Variants in CNTN5 observed in about 807,000 individuals in gnomAD.
CNTN5 encodes contactin 5.
CNTN5 carries 77 observed loss-of-function variants against 129.1 expected under a neutral mutation model. The ratio of observed to expected loss-of-function variants is 0.60; its 90% confidence interval spans 0.50 to 0.72. CNTN5 has a LOEUF of 0.72. Ranked by LOEUF, CNTN5 falls within the 30% of genes least tolerant of loss-of-function variation. The pLI is 0.00. For missense variants in CNTN5, 1,478 were observed against 1,328.8 expected (o/e 1.11, Z -1.75); for synonymous variants, 509 against 465.6 (o/e 1.09, Z -1.20).
At chr11:99,941,020 C>T (rs1050655570) in intron 7 of CNTN5, among the ~76,000 whole-genome samples, 5 of 152,190 alleles carry the variant, frequency 3.3e-5, no homozygotes, top group African/African-American at 1.2e-4. Context: ...AACATTGGGA[C>T]ATAGAAATGT....
intron 3 of CNTN5, among the ~76,000 whole-genome samples, chr11:99,696,798 T>G (rs547017671): frequency 6.6e-6 from 1 of 152,164 alleles, no homozygotes; most frequent in Admixed American, 6.6e-5. Flanking sequence ...AAAATTGTGA[T>G]TGCCTTTAAA....
At chr11:99,544,155 G>A (rs115951061) in intron 2 of CNTN5, among the ~76,000 whole-genome samples, 9 of 151,980 alleles carry the variant, frequency 5.9e-5, no homozygotes, top group Admixed American at 2.6e-4. Flanking sequence ...CCTTTACTAC[G>A]GTGGAAGGTG....
At chr11:99,540,633 G>A (rs1025285605) in intron 2 of CNTN5, among the ~76,000 whole-genome samples, 1 of 152,088 alleles carries the variant, frequency 6.6e-6, no homozygotes, top group African/African-American at 2.4e-5. Context: ...AGACTACCAA[G>A]AGCTAAAGAA....
At chr11:100,009,699 T>A (rs1325191841) in intron 9 of CNTN5, among the ~76,000 whole-genome samples, 1 of 152,150 alleles carries the variant, frequency 6.6e-6, no homozygotes, top group Non-Finnish European at 1.5e-5. Flanking sequence ...TTGCCTGAAC[T>A]GCTGTAAGAA....
chr11:99,901,024 C>A (rs992467106), intron 6 of CNTN5, among the ~76,000 whole-genome samples: 3 of 152,110 alleles, frequency 2.0e-5, no homozygotes, highest in Non-Finnish European at 4.4e-5. Context: ...AATTGTGTAA[C>A]ATTGGGCAAG....
chr11:99,427,645 A>T (rs761084527), intron 2 of CNTN5, among the ~76,000 whole-genome samples: 3 of 151,584 alleles, frequency 2.0e-5, no homozygotes, highest in Non-Finnish European at 2.9e-5. Flanking sequence ...ACACACCTGT[A>T]GTCCCAGGTA....
chr11:100,025,210 C>A (rs963029551), intron 9 of CNTN5, among the ~76,000 whole-genome samples: 1 of 152,200 alleles, frequency 6.6e-6, no homozygotes, highest in African/African-American at 2.4e-5. Flanking sequence ...GGCCAAAATA[C>A]AGCTCAGATC....
At chr11:99,420,775 T>A (rs1038132845) in intron 2 of CNTN5, among the ~76,000 whole-genome samples, 1 of 152,186 alleles carries the variant, frequency 6.6e-6, no homozygotes. Context: ...TAAGAAAATA[T>A]GGGCAAGATA....
chr11:100,322,264 C>A (rs1047773593), intron 21 of CNTN5, among the ~76,000 whole-genome samples: 1 of 151,968 alleles, frequency 6.6e-6, no homozygotes, highest in Non-Finnish European at 1.5e-5. Flanking sequence ...GCTCTGTCGC[C>A]CAGGCTGGAG....
At chr11:99,902,137 A>G (rs1429922955) in intron 6 of CNTN5, among the ~76,000 whole-genome samples, 1 of 152,128 alleles carries the variant, frequency 6.6e-6, no homozygotes, top group Non-Finnish European at 1.5e-5. Context: ...AAAGTCATTG[A>G]CTTTCTAATA....
chr11:100,081,798 A>G (rs1406378390), intron 13 of CNTN5, among the ~76,000 whole-genome samples: 1 of 152,238 alleles, frequency 6.6e-6, no homozygotes, highest in East Asian at 1.9e-4. Context: ...GGAAATTGAC[A>G]AACATCTCAC....
At chr11:99,325,291 A>C (rs536385973) in intron 1 of CNTN5, 55 bp from the exon 2 acceptor site, 1 of 132,766 alleles carries the variant, frequency 7.5e-6, no homozygotes, top group Non-Finnish European at 1.6e-5. Flanking sequence ...TTGGTCAAGC[A>C]AAGTTGAAAA....
At chr11:99,839,395 T>C (rs1947406863) in intron 4 of CNTN5, among the ~76,000 whole-genome samples, 2 of 152,098 alleles carry the variant, frequency 1.3e-5, no homozygotes, top group South Asian at 4.1e-4. Context: ...AAATAAGAAC[T>C]ACTATGACAA....
At chr11:99,780,802 C>T (rs1945285577) in intron 3 of CNTN5, among the ~76,000 whole-genome samples, 1 of 151,958 alleles carries the variant, frequency 6.6e-6, no homozygotes, top group South Asian at 2.1e-4. Flanking sequence ...CACACTGTGC[C>T]ACACTGTCAA....
At chr11:99,165,255 T>C (rs916746902) in intron 1 of CNTN5, among the ~76,000 whole-genome samples, 4 of 152,350 alleles carry the variant, frequency 2.6e-5, no homozygotes, top group Admixed American at 6.5e-5. Context: ...GTTTTGTTTA[T>C]AGAGGCTATC....
At chr11:99,478,231 T>A (rs754314323) in intron 2 of CNTN5, among the ~76,000 whole-genome samples, 4 of 151,650 alleles carry the variant, frequency 2.6e-5, no homozygotes, top group Non-Finnish European at 5.9e-5. Context: ...AAAACTGGGG[T>A]TTTATCTGAA....
intron 2 of CNTN5, among the ~76,000 whole-genome samples, chr11:99,403,151 C>G (rs11522686): frequency 2.6e-5 from 4 of 151,662 alleles, no homozygotes; most frequent in African/African-American, 9.7e-5. Context: ...GGACTACAGG[C>G]GCCTACCACC....
chr11:100,176,802 CTGTT>C (rs1320934184), intron 13 of CNTN5, among the ~76,000 whole-genome samples: 6 of 151,594 alleles, frequency 4.0e-5, no homozygotes, highest in African/African-American at 9.7e-5. Flanking sequence ...TTTGAAACTA[CTGTT>C]TGTTTTACTA....
intron 1 of CNTN5, among the ~76,000 whole-genome samples, chr11:99,182,242 G>A (rs756804417): frequency 2.6e-5 from 4 of 152,138 alleles, no homozygotes; most frequent in Non-Finnish European, 2.9e-5. Flanking sequence ...ATGAGCATTT[G>A]ATATGGCAAA....
Sources: gnomAD v4.1 joint callset for allele counts (sites outside exome capture counted in the v4.1 genomes callset) on GRCh38, gnomAD v4.1.1 for gene constraint, MANE v1.5 for transcripts, NCBI Gene and HGNC (gene_info 2026-07-23, HGNC 2026-07-21) for gene names.